The following CSMD1 variants were observed in gnomAD, a reference collection of about 807,000 sequenced individuals.
The protein encoded by CSMD1 is CUB and sushi domain-containing protein 1.
CSMD1 carries 213 observed loss-of-function variants against 417.5 expected under a neutral mutation model. The observed-to-expected ratio is 0.51, with a 90% CI of 0.46 to 0.57. CSMD1 has a LOEUF of 0.57. Ranked by LOEUF, CSMD1 falls within the 20% of genes least tolerant of loss-of-function variation. The pLI is 0.00. For synonymous variants in CSMD1, 2,862 were observed against 1,736.8 expected (o/e 1.65, Z -16.11); for missense variants, 6,923 against 4,529.7 (o/e 1.53, Z -15.17).
chr8:3,861,640 G>A (rs1476875915), intron 5 of CSMD1, among the ~76,000 whole-genome samples: 2 of 152,138 alleles, frequency 1.3e-5, no homozygotes, highest in African/African-American at 4.8e-5. Context: ...TTGTTGTCTT[G>A]GAGATGTATA....
Position 4,822,281 on chromosome 8 carries a change from C to A in CSMD1, c.85+172051G>T, listed in dbSNP as rs115801911. ...AGGATCCGATTATGGGTCTTGCTGT[C>A]TTAGGACACCAGATACCACTGAAGC... On this transcript the variant is annotated intron_variant, in intron 1 of 69. Transcript: ENST00000635120. Among the ~76,000 whole-genome samples, 879 of 152,226 alleles carry A rather than the reference C, an allele frequency of 5.8e-3. 10 individuals are homozygous for A. Among genetic ancestry groups the A allele is most frequent in the African/African-American group, 0.021 (853 of 41,540 alleles).
chr8:4,355,379 A>C (rs1801368754), intron 3 of CSMD1, among the ~76,000 whole-genome samples: 3 of 151,874 alleles, frequency 2.0e-5, no homozygotes, highest in African/African-American at 7.3e-5. Context: ...ACTCTACAAA[A>C]ATGACGCGTT....
chr8:3,852,144 A>G lies in CSMD1; in HGVS notation c.819-98102T>C, dbSNP rs74364217. 2.4e-3 allele frequency among the ~76,000 whole-genome samples: 371 copies of G among 152,304 alleles called. 2 individuals carry two copies. The highest frequency in any genetic ancestry group is 8.2e-3 in the African/African-American group (340 of 41,570). On this transcript the variant is annotated intron_variant, in intron 5 of 69. Coordinates refer to ENST00000635120, the MANE Select transcript of CSMD1 (RefSeq NM_033225.6). ...CAAAAACCATCGATACAAATACTCT[A>G]TAAGAATACTTGATTCTACAAGAAT... is the stretch of plus-strand genomic sequence containing the variant.
At chr8:3,023,826 G>C (rs1041784294) in intron 51 of CSMD1, among the ~76,000 whole-genome samples, 4 of 150,768 alleles carry the variant, frequency 2.7e-5, no homozygotes, top group Non-Finnish European at 5.9e-5. Flanking sequence ...TTACAAGCAG[G>C]GCCACTCTAA....
Position 2,937,898 on chromosome 8 carries a change from T to A in CSMD1, c.*687A>T, listed in dbSNP as rs946375121. The A allele has an allele frequency of 6.0e-5, 9 of 151,188 alleles. No homozygotes were observed. In the East Asian group the frequency reaches 1.2e-3, roughly 20 times the overall value. The allele number at this position is 151,188 out of a possible 1,614,324, so 9.4% of individuals were successfully genotyped here. A position where few individuals can be genotyped will look rare whatever the true frequency, so the allele number is the denominator to read the frequency against. On this transcript the variant is annotated 3_prime_UTR_variant, in exon 70 of 70. Coordinates refer to ENST00000635120, the MANE Select transcript of CSMD1 (RefSeq NM_033225.6). ...CCCTGTGTAAATAATTTATTTTTTTTATCAGAATCTTAGTCATTCATAACA... is the reference window on the plus strand; with the variant it reads ...CCCTGTGTAAATAATTTATTTTTTTAATCAGAATCTTAGTCATTCATAACA...
At chr8:4,346,674 A>T (rs1323912150) in intron 3 of CSMD1, among the ~76,000 whole-genome samples, 1 of 152,204 alleles carries the variant, frequency 6.6e-6, no homozygotes, top group African/African-American at 2.4e-5. Flanking sequence ...TTTTTTTTCT[A>T]ATTTGCCTCG....
At chr8:4,965,497 GTC>G (rs1809799840) in intron 1 of CSMD1, among the ~76,000 whole-genome samples, 1 of 152,214 alleles carries the variant, frequency 6.6e-6, no homozygotes, top group Non-Finnish European at 1.5e-5. Context: ...GGATGACTGA[GTC>G]TCTGCTTCAC....
chr8:4,655,118 G>C (rs1449153656), intron 1 of CSMD1, among the ~76,000 whole-genome samples: 1 of 151,146 alleles, frequency 6.6e-6, no homozygotes, highest in African/African-American at 2.4e-5. Flanking sequence ...CTAATTTCAA[G>C]GGTTTTGTCT....
At chr8:4,094,745 A>T (rs1800910304) in intron 3 of CSMD1, among the ~76,000 whole-genome samples, 1 of 152,170 alleles carries the variant, frequency 6.6e-6, no homozygotes, top group South Asian at 2.1e-4. Context: ...CCATTCAGAC[A>T]AATGATGGAG....
intron 8 of CSMD1, among the ~76,000 whole-genome samples, chr8:3,600,580 G>C (rs182699792): frequency 6.6e-6 from 1 of 151,846 alleles, no homozygotes; most frequent in East Asian, 2.0e-4. Context: ...CAGCTTGCCA[G>C]TATATTCTCT....
chr8:4,242,869 A>AGG (rs1439130303), intron 3 of CSMD1, among the ~76,000 whole-genome samples: 3 of 152,234 alleles, frequency 2.0e-5, no homozygotes, highest in Non-Finnish European at 4.4e-5. Flanking sequence ...TTAAAGCATC[A>AGG]GGATGAAATA....
At chr8:4,162,819 AAT>A (rs1323321316) in intron 3 of CSMD1, among the ~76,000 whole-genome samples, 1 of 152,194 alleles carries the variant, frequency 6.6e-6, no homozygotes, top group East Asian at 1.9e-4. Flanking sequence ...GGTGTGGATA[AAT>A]ATATAATGCT....
intron 41 of CSMD1, among the ~76,000 whole-genome samples, chr8:3,139,409 G>T (rs1818300533): frequency 6.6e-6 from 1 of 152,132 alleles, no homozygotes; most frequent in African/African-American, 2.4e-5. Context: ...GGCCCCTGAA[G>T]CCAAGGGAAA....
At chr8:4,207,416 T>C (rs1800044103) in intron 3 of CSMD1, among the ~76,000 whole-genome samples, 1 of 152,138 alleles carries the variant, frequency 6.6e-6, no homozygotes, top group Non-Finnish European at 1.5e-5. Context: ...AATCATATTT[T>C]GTCTTCAACC....
At chr8:2,995,896 G>A (rs562439003) in intron 54 of CSMD1, among the ~76,000 whole-genome samples, 2 of 152,316 alleles carry the variant, frequency 1.3e-5, no homozygotes, top group East Asian at 1.9e-4. Context: ...CAGGAATTAA[G>A]AATGAGGTTG....
At chr8:4,854,655 CA>C (rs1342496588) in intron 1 of CSMD1, among the ~76,000 whole-genome samples, 2 of 152,250 alleles carry the variant, frequency 1.3e-5, no homozygotes, top group African/African-American at 2.4e-5. Context: ...GGGTGACGGA[CA>C]GCACCTGGAA....
At chr8:3,755,037 C>T (rs1355102858) in intron 5 of CSMD1, among the ~76,000 whole-genome samples, 3 of 152,220 alleles carry the variant, frequency 2.0e-5, no homozygotes, top group Admixed American at 6.5e-5. Context: ...CACTTTACAA[C>T]GTGCAGTTTA....
intron 10 of CSMD1, among the ~76,000 whole-genome samples, chr8:3,504,074 A>C (rs1796722139): frequency 1.3e-5 from 2 of 152,104 alleles, no homozygotes; most frequent in Non-Finnish European, 2.9e-5. Flanking sequence ...TGTATTTCAA[A>C]ATAGCAAGAA....
intron 7 of CSMD1, among the ~76,000 whole-genome samples, chr8:3,646,715 C>T (rs1474546586): frequency 6.6e-6 from 1 of 152,152 alleles, no homozygotes; most frequent in South Asian, 2.1e-4. Context: ...ACAGCGCTTT[C>T]GACCTGGCTC....
Sources: allele counts gnomAD v4.1 joint callset (sites outside exome capture counted in the v4.1 genomes callset), GRCh38; gene constraint gnomAD v4.1.1; transcripts MANE v1.5; gene names NCBI Gene and HGNC (gene_info 2026-07-23, HGNC 2026-07-21).